SCOC: variants seen among roughly 807,000 people sequenced by gnomAD.
The protein encoded by SCOC is short coiled-coil protein.
Under a neutral mutation model 9.9 loss-of-function variants are expected in SCOC, and 7 were observed. The ratio of observed to expected loss-of-function variants is 0.71; its 90% CI spans 0.40 to 1.33. The LOEUF (loss-of-function observed/expected upper bound fraction) is 1.33. SCOC is among the 40% of genes most tolerant of loss of function. The pLI, the probability that SCOC is intolerant of heterozygous loss-of-function variation, is 0.01. For synonymous variants in SCOC, 19 were observed against 28.2 expected (o/e 0.67, Z 1.03); for missense variants, 66 against 89.7 (o/e 0.74, Z 1.07).
chr4:140,274,626 T>C (rs1361066428), intron 1 of SCOC, among the ~76,000 whole-genome samples: 1 of 152,248 alleles, frequency 6.6e-6, no homozygotes, highest in Admixed American at 6.5e-5. Context: ...GAACTGTATT[T>C]AATATTCCCT....
intron 1 of SCOC, among the ~76,000 whole-genome samples, chr4:140,271,361 G>A (rs1217550101): frequency 6.6e-6 from 1 of 152,220 alleles, no homozygotes; most frequent in East Asian, 1.9e-4. Flanking sequence ...AACACCAAGT[G>A]TTAATAGGCT....
intron 2 of SCOC, chr4:140,366,411 C>T: frequency 7.5e-7 from 1 of 1,332,346 alleles, no homozygotes; most frequent in South Asian, 1.3e-5. Flanking sequence ...GCAGCAGCTG[C>T]AGCAGCAGTA....
intron 1 of SCOC, among the ~76,000 whole-genome samples, chr4:140,375,622 G>C (rs1728313022): frequency 6.6e-6 from 1 of 152,180 alleles, no homozygotes; most frequent in Admixed American, 6.5e-5. Flanking sequence ...TTGGTCACAG[G>C]TGTGTGTGCA....
intron 1 of SCOC, among the ~76,000 whole-genome samples, chr4:140,321,620 A>G (rs1336898907): frequency 6.6e-6 from 1 of 152,226 alleles, no homozygotes; most frequent in African/African-American, 2.4e-5. Context: ...ATATAGGTCA[A>G]TAAAATTTAC....
At chr4:140,313,415 C>T (rs1307245621) in intron 1 of SCOC, among the ~76,000 whole-genome samples, 5 of 152,150 alleles carry the variant, frequency 3.3e-5, no homozygotes, top group African/African-American at 7.2e-5. Context: ...CCACACCCAG[C>T]TAATTTTTGT....
chr4:140,338,198 C>T (rs2126503695), intron 1 of SCOC, among the ~76,000 whole-genome samples: 1 of 152,154 alleles, frequency 6.6e-6, no homozygotes, highest in South Asian at 2.1e-4. Context: ...AGACAAAAAC[C>T]ACATGATTAT....
chr4:140,302,429 C>T (rs1029823889), intron 1 of SCOC, among the ~76,000 whole-genome samples: 8 of 152,132 alleles, frequency 5.3e-5, no homozygotes, highest in Non-Finnish European at 1.0e-4. Flanking sequence ...TTCTTACCTT[C>T]AAAGAAGAGT....
At chr4:140,285,857 T>A (rs1248918476) in intron 1 of SCOC, among the ~76,000 whole-genome samples, 8 of 152,140 alleles carry the variant, frequency 5.3e-5, no homozygotes, top group Admixed American at 5.2e-4. Flanking sequence ...TCTCCCAGAC[T>A]CAGTTTCCTT....
chr4:140,367,800 T>C (rs1216292560), intron 2 of SCOC, among the ~76,000 whole-genome samples: 1 of 152,214 alleles, frequency 6.6e-6, no homozygotes, highest in African/African-American at 2.4e-5. Flanking sequence ...ATGAGGTGGC[T>C]CAATGACAAC....
chr4:140,343,796 T>G (rs1726598018), intron 2 of SCOC: 1 of 883,632 alleles, frequency 1.1e-6, no homozygotes, highest in Admixed American at 2.2e-5. Flanking sequence ...TTCAGTATAA[T>G]GATAAAGCAT....
intron 1 of SCOC, among the ~76,000 whole-genome samples, chr4:140,300,059 C>T (rs1731768381): frequency 1.3e-5 from 2 of 152,162 alleles, no homozygotes; most frequent in Non-Finnish European, 2.9e-5. Context: ...AGAACTCACT[C>T]ATATGGCTCA....
upstream of SCOC, among the ~76,000 whole-genome samples, chr4:140,341,227 AAAC>A (rs1433405024): frequency 6.6e-6 from 1 of 152,214 alleles, no homozygotes; most frequent in African/African-American, 2.4e-5. Flanking sequence ...TAAATAATAA[AAAC>A]AAAACCAAGT....
intron 1 of SCOC, among the ~76,000 whole-genome samples, chr4:140,312,636 G>C (rs1345865080): frequency 1.3e-5 from 2 of 152,104 alleles, no homozygotes; most frequent in African/African-American, 2.4e-5. Context: ...TTGGCATGTT[G>C]CACAAGCTGG....
chr4:140,331,089 T>G (rs1394355388), intron 1 of SCOC, among the ~76,000 whole-genome samples: 1 of 152,182 alleles, frequency 6.6e-6, no homozygotes, highest in East Asian at 1.9e-4. Context: ...CCCTCAAGTC[T>G]GGGCAATGGT....
At chr4:140,288,478 C>T (rs77426102) in intron 1 of SCOC, among the ~76,000 whole-genome samples, 6,072 of 151,950 alleles carry the variant, frequency 0.04, 395 homozygotes, top group African/African-American at 0.14. Context: ...CTATACACTA[C>T]ACACATAAGT....
chr4:140,341,043 G>A (rs1214242566), upstream of SCOC, among the ~76,000 whole-genome samples: 2 of 151,550 alleles, frequency 1.3e-5, no homozygotes, highest in African/African-American at 4.9e-5. Flanking sequence ...TGATCCACCC[G>A]CCTCGGCCTC....
At chr4:140,272,163 C>T (rs1730860694) in intron 1 of SCOC, among the ~76,000 whole-genome samples, 1 of 151,798 alleles carries the variant, frequency 6.6e-6, no homozygotes, top group Non-Finnish European at 1.5e-5. Flanking sequence ...CTTCTCCCAC[C>T]TCAGCCCCCA....
At chr4:140,288,358 T>C (rs1323807062) in intron 1 of SCOC, among the ~76,000 whole-genome samples, 1 of 152,046 alleles carries the variant, frequency 6.6e-6, no homozygotes, top group African/African-American at 2.4e-5. Context: ...ATATATATAC[T>C]GCACTTACAG....
intron 2 of SCOC, among the ~76,000 whole-genome samples, chr4:140,347,917 T>G (rs1686763857): frequency 1.3e-5 from 2 of 152,224 alleles, no homozygotes; most frequent in Non-Finnish European, 2.9e-5. Context: ...ATGTTAAATT[T>G]ATGGGAACAT....
Sources: gnomAD v4.1 joint callset for allele counts (sites outside exome capture counted in the v4.1 genomes callset) on GRCh38, gnomAD v4.1.1 for gene constraint, MANE v1.5 for transcripts, NCBI Gene and HGNC (gene_info 2026-07-23, HGNC 2026-07-21) for gene names.